Variants in GALNT17 observed in about 807,000 individuals in gnomAD.
The protein encoded by GALNT17 is UDP-GalNAc:polypeptide N-acetylgalactosaminyltransferase-like 3.
In GALNT17, 29 loss-of-function variants were observed where a neutral mutation model predicts 63.7. That is an observed-to-expected ratio of 0.46 (90% CI 0.34 to 0.62). The LOEUF is 0.62. GALNT17 is among the 20% of genes least tolerant of loss of function. The pLI, the probability that GALNT17 is intolerant of heterozygous loss-of-function variation, is 0.01. For synonymous variants in GALNT17, 305 were observed against 318.3 expected, an observed-to-expected ratio of 0.96 and a Z score of 0.45; for missense variants, 603 against 799.6, an observed-to-expected ratio of 0.75 and a Z score of 2.97.
At chr7:71,364,571 G>A (rs1485676631) in intron 2 of GALNT17, among the ~76,000 whole-genome samples, 1 of 152,158 alleles carries the variant, frequency 6.6e-6, no homozygotes, top group East Asian at 1.9e-4. Context: ...GTGCAGATGT[G>A]TGACTAAATA....
rs554640809 is a variant in GALNT17, at chr7:71,283,058, G to T, written c.239-52492G>T. Among the ~76,000 whole-genome samples the T allele has an allele frequency of 2.6e-5, 4 of 152,024 alleles. 1 individual carries two copies. The South Asian group carries it at 6.2e-4, about 24-fold the overall frequency. ...CTCGTTTTTTAATTTTAGAGACAGG[G>T]TCTTGCTCTGTTACCCATGCAGGAG... On this transcript the variant is annotated intron_variant, in intron 1 of 10. Transcript: ENST00000333538.
intron 1 of GALNT17, among the ~76,000 whole-genome samples, chr7:71,302,679 G>A (rs1204552840): frequency 2.6e-5 from 4 of 152,068 alleles, no homozygotes; most frequent in African/African-American, 9.7e-5. Context: ...CTACTTTACT[G>A]GGTCTTATTC....
chr7:71,677,549 C>T (rs1488554893), intron 9 of GALNT17, among the ~76,000 whole-genome samples: 1 of 150,094 alleles, frequency 6.7e-6, no homozygotes, highest in Admixed American at 6.6e-5. Flanking sequence ...GCGTCTCACT[C>T]TGTCCTCCAG....
intron 5 of GALNT17, among the ~76,000 whole-genome samples, chr7:71,484,309 G>A (rs888230377): frequency 1.3e-5 from 2 of 152,038 alleles, no homozygotes; most frequent in Non-Finnish European, 2.9e-5. Flanking sequence ...GCAACATGGC[G>A]AAACCTCGTC....
intron 1 of GALNT17, among the ~76,000 whole-genome samples, chr7:71,136,526 G>A (rs951513029): frequency 2.6e-5 from 4 of 151,758 alleles, no homozygotes; most frequent in Non-Finnish European, 5.9e-5. Context: ...TCGCTGTGTC[G>A]CCAGGCTGGA....
At chr7:71,561,783 T>C (rs1789260229) in intron 5 of GALNT17, among the ~76,000 whole-genome samples, 1 of 151,738 alleles carries the variant, frequency 6.6e-6, no homozygotes, top group Non-Finnish European at 1.5e-5. Flanking sequence ...AACAGGTGAC[T>C]GAGACAGCGA....
At chr7:71,670,674 T>G (rs779862925) in intron 8 of GALNT17, among the ~76,000 whole-genome samples, 2 of 152,244 alleles carry the variant, frequency 1.3e-5, no homozygotes, top group Non-Finnish European at 2.9e-5. Flanking sequence ...GGCACTATTC[T>G]AAGTGCTTTT....
chr7:71,329,504 C>T (rs1054125104), intron 1 of GALNT17, among the ~76,000 whole-genome samples: 2 of 151,976 alleles, frequency 1.3e-5, no homozygotes, highest in Non-Finnish European at 2.9e-5. Context: ...AAAAACTACC[C>T]GAGACTGTGT....
At chr7:71,621,544 T>TGGATGGAG (rs1219584683) in intron 6 of GALNT17, among the ~76,000 whole-genome samples, 1 of 135,042 alleles carries the variant, frequency 7.4e-6, no homozygotes, top group Non-Finnish European at 1.6e-5. Flanking sequence ...GATTGATGGA[T>TGGATGGAG]TGATGGATAG....
chr7:71,502,594 G>T (rs745341392), intron 5 of GALNT17, among the ~76,000 whole-genome samples: 14 of 152,174 alleles, frequency 9.2e-5, no homozygotes, highest in Non-Finnish European at 1.9e-4. Context: ...GGAAGACCAT[G>T]TGAACAGGAA....
At chr7:71,635,447 G>A (rs1309788337) in intron 6 of GALNT17, among the ~76,000 whole-genome samples, 11 of 152,170 alleles carry the variant, frequency 7.2e-5, no homozygotes, top group East Asian at 5.8e-4. Context: ...TAAAATAGCC[G>A]TGGCTAAGGA....
intron 9 of GALNT17, among the ~76,000 whole-genome samples, chr7:71,683,092 A>G (rs1399446959): frequency 1.3e-5 from 2 of 151,980 alleles, no homozygotes; most frequent in Non-Finnish European, 2.9e-5. Context: ...AGCTGATTAG[A>G]TTGAGTTGAT....
At chr7:71,237,728 CAGCACAGAGCTT>C (rs1186834704) in intron 1 of GALNT17, among the ~76,000 whole-genome samples, 2 of 152,016 alleles carry the variant, frequency 1.3e-5, no homozygotes, top group East Asian at 3.9e-4. Flanking sequence ...TAGCCAGCCC[CAGCACAGAGCTT>C]AGCACACAGC....
chr7:71,402,229 T>C (rs549125450), intron 3 of GALNT17, among the ~76,000 whole-genome samples: 2 of 152,358 alleles, frequency 1.3e-5, no homozygotes, highest in East Asian at 1.9e-4. Flanking sequence ...TTTGATTTGC[T>C]AACTCCAGTT....
intron 1 of GALNT17, among the ~76,000 whole-genome samples, chr7:71,305,395 C>T (rs560754908): frequency 6.6e-6 from 1 of 152,276 alleles, no homozygotes; most frequent in East Asian, 1.9e-4. Context: ...CAGGCTAAAG[C>T]ACCAAAATTT....
chr7:71,319,094 T>TTATC (rs1583857654), intron 1 of GALNT17, among the ~76,000 whole-genome samples: 62 of 49,196 alleles, frequency 1.3e-3, no homozygotes, highest in East Asian at 3.1e-3. Context: ...CTATTTTTGT[T>TTATC]TATCTTTCTT....
At chr7:71,296,286 C>T (rs907569238) in intron 1 of GALNT17, among the ~76,000 whole-genome samples, 2 of 152,154 alleles carry the variant, frequency 1.3e-5, no homozygotes, top group Non-Finnish European at 2.9e-5. Flanking sequence ...ATTTCTTACA[C>T]CTGCCCCACA....
chr7:71,221,540 G>A (rs10950250), intron 1 of GALNT17, among the ~76,000 whole-genome samples: 50,032 of 151,504 alleles, frequency 0.33, 9,186 homozygotes, highest in South Asian at 0.53. Flanking sequence ...TCAAACTTCT[G>A]TTCGTGTTGC....
chr7:71,616,292 C>T (rs533037791), intron 6 of GALNT17, among the ~76,000 whole-genome samples: 1 of 151,978 alleles, frequency 6.6e-6, no homozygotes, highest in Non-Finnish European at 1.5e-5. Flanking sequence ...TCTTTCCCCC[C>T]CGTCCTCTCA....
Sources: gnomAD v4.1 joint callset for allele counts (sites outside exome capture counted in the v4.1 genomes callset) on GRCh38, gnomAD v4.1.1 for gene constraint, MANE v1.5 for transcripts, NCBI Gene and HGNC (gene_info 2026-07-23, HGNC 2026-07-21) for gene names.